PLEKHH2: variants seen among roughly 807,000 people sequenced by gnomAD.
PLEKHH2 encodes the protein pleckstrin homology domain-containing family H member 2.
A neutral mutation model predicts 187.9 loss-of-function variants in PLEKHH2; 129 were observed. The observed-to-expected ratio is 0.69, with a 90% confidence interval of 0.59 to 0.79. The LOEUF is 0.79. Ranked by LOEUF, PLEKHH2 falls within the 30% of genes least tolerant of loss-of-function variation. The pLI is 0.00. For synonymous variants in PLEKHH2, 686 were observed against 605.6 expected (o/e 1.13, Z -1.95); for missense variants, 2,076 against 1,751.2 (o/e 1.19, Z -3.31).
intron 28 of PLEKHH2, among the ~76,000 whole-genome samples, chr2:43,762,987 G>A (rs956268732): frequency 3.3e-5 from 5 of 152,052 alleles, no homozygotes; most frequent in Admixed American, 6.5e-5. Flanking sequence ...CACCTGGCAG[G>A]TCTAATCCTG....
At chr2:43,765,025 C>G (rs893775760) in intron 29 of PLEKHH2, among the ~76,000 whole-genome samples, 68 of 152,114 alleles carry the variant, frequency 4.5e-4, no homozygotes, top group Non-Finnish European at 4.1e-4. Context: ...GTGAAAGCAG[C>G]TAACCATTAA....
At chr2:43,678,572 T>C (rs1465828563) in intron 2 of PLEKHH2, among the ~76,000 whole-genome samples, 1 of 152,010 alleles carries the variant, frequency 6.6e-6, no homozygotes, top group African/African-American at 2.4e-5. Flanking sequence ...CAGTCAGGCG[T>C]GGCGGCGCGC....
At chr2:43,647,998 T>C (rs1666265056) in intron 2 of PLEKHH2, among the ~76,000 whole-genome samples, 1 of 152,164 alleles carries the variant, frequency 6.6e-6, no homozygotes, top group Non-Finnish European at 1.5e-5. Context: ...ATTGTTATTA[T>C]CCTCAATCTA....
At chr2:43,741,251 A>T (rs1360176536) in intron 21 of PLEKHH2, 1 of 371,966 alleles carries the variant, frequency 2.7e-6, no homozygotes, top group Non-Finnish European at 4.7e-6. Flanking sequence ...TGCAATAAAT[A>T]CTTGAAAAAC....
chr2:43,679,893 A>C (rs1277518666), intron 3 of PLEKHH2, among the ~76,000 whole-genome samples: 1 of 152,148 alleles, frequency 6.6e-6, no homozygotes, highest in African/African-American at 2.4e-5. Flanking sequence ...GATGATCTTG[A>C]ACTACTGGCT....
At chr2:43,692,702 C>G (rs1367717092) in intron 4 of PLEKHH2, 39 bp downstream of exon 4, 1 of 1,571,072 alleles carries the variant, frequency 6.4e-7, no homozygotes, top group African/African-American at 1.4e-5. Flanking sequence ...AGTGTGTGCA[C>G]TCATTTGTGC....
chr2:43,665,732 C>T (rs967706468), intron 2 of PLEKHH2, among the ~76,000 whole-genome samples: 12 of 116,192 alleles, frequency 1.0e-4, no homozygotes, highest in East Asian at 4.4e-4. Flanking sequence ...AATACCCTGC[C>T]GTGTGAGGTG....
At chr2:43,710,954 A>T in intron 14 of PLEKHH2, 1 of 1,008,550 alleles carries the variant, frequency 9.9e-7, no homozygotes, top group Non-Finnish European at 1.2e-6. Flanking sequence ...TTTGTATTTT[A>T]ATATAGAATC....
chr2:43,715,914 A>C (rs1226000822), intron 15 of PLEKHH2, among the ~76,000 whole-genome samples: 2 of 152,166 alleles, frequency 1.3e-5, no homozygotes, highest in African/African-American at 2.4e-5. Flanking sequence ...TATGTAGGGC[A>C]GGGGAGAGCA....
intron 17 of PLEKHH2, among the ~76,000 whole-genome samples, chr2:43,729,431 T>A (rs970368453): frequency 6.6e-6 from 1 of 152,246 alleles, no homozygotes; most frequent in African/African-American, 2.4e-5. Context: ...ATAAGAAAAG[T>A]GTAAATAATG....
chr2:43,668,157 C>G (rs1235865834), intron 2 of PLEKHH2, among the ~76,000 whole-genome samples: 1 of 152,038 alleles, frequency 6.6e-6, no homozygotes, highest in Non-Finnish European at 1.5e-5. Flanking sequence ...CTCAGCCTCC[C>G]AAGTAGCTGG....
intron 2 of PLEKHH2, among the ~76,000 whole-genome samples, chr2:43,670,088 A>G (rs771535540): frequency 2.6e-5 from 4 of 152,188 alleles, no homozygotes; most frequent in Non-Finnish European, 5.9e-5. Flanking sequence ...CATATTTTTC[A>G]TCAAAATACT....
intron 20 of PLEKHH2, chr2:43,740,711 C>G: frequency 3.9e-6 from 2 of 507,074 alleles, no homozygotes; most frequent in Non-Finnish European, 5.7e-6. Flanking sequence ...CTGCTTGTGC[C>G]TTGGTTCCTC....
chr2:43,644,719 C>G lies in PLEKHH2; in HGVS notation c.46C>G (p.Arg16Gly), dbSNP rs146134487. 2 of 1,607,842 alleles carry G rather than the reference C, an allele frequency of 1.2e-6. No individual in the cohort carries two copies. The highest frequency in any genetic ancestry group is 1.7e-6 in the Non-Finnish European group (2 of 1,175,650). ...AGAGGGACCAGTAGATTGGAAGGAA[C>G]GATGTGTAGCTCTGGAGTCCCAACT... The part of the protein sequence containing the change: ...EPEGPVDWKE[R>G]CVALESQLMK... Residue 16 changes from arginine (R) to glycine (G), a missense_variant, in exon 2 of 30, where the codon CGA becomes GGA. Physicochemically the swap from Arg to Gly is moderately radical, Grantham distance 125. Transcript: ENST00000282406.
At chr2:43,706,256 T>C (rs1669650533) in intron 9 of PLEKHH2, 66 bp from the exon 10 acceptor site, 1 of 1,098,604 alleles carries the variant, frequency 9.1e-7, no homozygotes, top group South Asian at 1.3e-5. Context: ...TTTGTATTCA[T>C]AAGAAAAAGA....
intron 2 of PLEKHH2, among the ~76,000 whole-genome samples, chr2:43,657,679 A>G (rs1666859777): frequency 6.6e-6 from 1 of 152,184 alleles, no homozygotes; most frequent in African/African-American, 2.4e-5. Context: ...GTTTCTGTCT[A>G]TTGAGAAATT....
At chr2:43,701,330 G>C (rs942452755) in intron 8 of PLEKHH2, among the ~76,000 whole-genome samples, 12 of 152,174 alleles carry the variant, frequency 7.9e-5, no homozygotes, top group African/African-American at 2.9e-4. Context: ...GGCTCTGCAT[G>C]CCCAGTTTCT....
intron 2 of PLEKHH2, among the ~76,000 whole-genome samples, chr2:43,678,517 G>A (rs959585700): frequency 1.3e-5 from 2 of 152,176 alleles, no homozygotes; most frequent in Admixed American, 6.5e-5. Flanking sequence ...AGACCAGCCC[G>A]GCCAACACAG....
intron 2 of PLEKHH2, chr2:43,675,330 A>G: frequency 7.2e-7 from 1 of 1,382,584 alleles, no homozygotes; most frequent in South Asian, 1.5e-5. Flanking sequence ...GACTAGCCAC[A>G]TTTCAAGTGC....
Sources: allele counts gnomAD v4.1 joint callset (sites outside exome capture counted in the v4.1 genomes callset), GRCh38; gene constraint gnomAD v4.1.1; transcripts MANE v1.5; gene names NCBI Gene and HGNC (gene_info 2026-07-23, HGNC 2026-07-21).